LARGE1: variants seen among roughly 807,000 people sequenced by gnomAD.
The protein encoded by LARGE1 is LARGE xylosyl- and glucuronyltransferase 1, also known as xylosyl- and glucuronyltransferase LARGE1.
In LARGE1, 43 loss-of-function variants were observed where a neutral mutation model predicts 87.6. The ratio of observed to expected loss-of-function variants is 0.49; its 90% confidence interval spans 0.38 to 0.63. The LOEUF (loss-of-function observed/expected upper bound fraction) is 0.63, where lower values mean the gene tolerates loss of function less well. Among genes scored for constraint, LARGE1 ranks in the 30% least tolerant of loss-of-function variants. LARGE1 has a pLI of 0.00. For missense variants in LARGE1, 802 were observed against 1,000.2 expected, an observed-to-expected ratio of 0.80 and a Z score of 2.67; for synonymous variants, 434 against 394.6, an observed-to-expected ratio of 1.10 and a Z score of -1.18.
At chr22:33,681,971 A>C (rs2081788007) in intron 2 of LARGE1, among the ~76,000 whole-genome samples, 1 of 152,172 alleles carries the variant, frequency 6.6e-6, no homozygotes, top group Non-Finnish European at 1.5e-5. Flanking sequence ...TAGATGCCTA[A>C]ATGATGCACT....
chr22:33,739,761 T>A (rs1041760821), intron 2 of LARGE1, among the ~76,000 whole-genome samples: 9 of 152,328 alleles, frequency 5.9e-5, no homozygotes, highest in African/African-American at 2.2e-4. Context: ...TTGGGCCTGA[T>A]GAAGATTAAT....
At chr22:33,400,522 C>T (rs778164483) in intron 7 of LARGE1, among the ~76,000 whole-genome samples, 1 of 152,154 alleles carries the variant, frequency 6.6e-6, no homozygotes, top group Admixed American at 6.5e-5. Context: ...AAATTTTTAA[C>T]AAATAATGAA....
chr22:33,186,063 T>A (rs1433488307), intron 11 of LARGE1, among the ~76,000 whole-genome samples: 1 of 152,074 alleles, frequency 6.6e-6, no homozygotes, highest in African/African-American at 2.4e-5. Context: ...TACAAAAAAA[T>A]TCTAGGCATA....
chr22:33,421,465 A>G (rs2066695185), intron 7 of LARGE1, among the ~76,000 whole-genome samples: 1 of 152,192 alleles, frequency 6.6e-6, no homozygotes, highest in Non-Finnish European at 1.5e-5. Flanking sequence ...AATACAAGCA[A>G]TACAGTCTCT....
chr22:33,222,698 G>A (rs138321681), intron 11 of LARGE1, among the ~76,000 whole-genome samples: 2 of 152,298 alleles, frequency 1.3e-5, no homozygotes, highest in African/African-American at 4.8e-5. Flanking sequence ...ACTGGAAGAG[G>A]CAAGGAGTAG....
chr22:33,220,000 A>T (rs1708176627), intron 11 of LARGE1, among the ~76,000 whole-genome samples: 1 of 152,236 alleles, frequency 6.6e-6, no homozygotes, highest in Non-Finnish European at 1.5e-5. Flanking sequence ...ACTTTCTCAT[A>T]AAAGTCCACT....
intron 3 of LARGE1, among the ~76,000 whole-genome samples, chr22:33,645,006 C>T (rs2080562933): frequency 6.6e-6 from 1 of 152,164 alleles, no homozygotes; most frequent in Non-Finnish European, 1.5e-5. Context: ...ATATTCAATG[C>T]TATTCCCATC....
intron 1 of LARGE1, among the ~76,000 whole-genome samples, chr22:33,842,985 C>T (rs1257317156): frequency 1.3e-5 from 2 of 152,130 alleles, no homozygotes; most frequent in Non-Finnish European, 2.9e-5. Context: ...GTTCTCCAAA[C>T]AGGGCATCTG....
the LARGE1 span, among the ~76,000 whole-genome samples, chr22:33,141,013 C>A: frequency 6.6e-6 from 1 of 152,060 alleles, no homozygotes; most frequent in African/African-American, 2.4e-5. Context: ...ATATTTTTAA[C>A]AATTATGGTT....
chr22:33,844,384 G>C (rs748536986), intron 1 of LARGE1, among the ~76,000 whole-genome samples: 2 of 152,184 alleles, frequency 1.3e-5, no homozygotes, highest in South Asian at 4.1e-4. Context: ...TTAGTAAAGA[G>C]CAAGCTGGGA....
At chr22:33,592,307 A>T (rs62227100) in intron 5 of LARGE1, among the ~76,000 whole-genome samples, 12,910 of 151,952 alleles carry the variant, frequency 0.085, 679 homozygotes, top group African/African-American at 0.14. Context: ...AGTTCATTTT[A>T]TTATTATTAT....
At chr22:33,268,970 A>G (rs1241550815), downstream of LARGE1, among the ~76,000 whole-genome samples, 1 of 152,228 alleles carries the variant, frequency 6.6e-6, no homozygotes, top group African/African-American at 2.4e-5. Context: ...TTACATATGC[A>G]TACAGACATA....
At chr22:33,623,850 A>G (rs925737938) in intron 4 of LARGE1, among the ~76,000 whole-genome samples, 1 of 151,826 alleles carries the variant, frequency 6.6e-6, no homozygotes, top group African/African-American at 2.4e-5. Flanking sequence ...GCCAACATGG[A>G]GGAACCCAGT....
At chr22:33,785,256 T>A (rs2085602177) in intron 1 of LARGE1, among the ~76,000 whole-genome samples, 1 of 151,932 alleles carries the variant, frequency 6.6e-6, no homozygotes, top group African/African-American at 2.4e-5. Flanking sequence ...TATATATGCA[T>A]GTGTATATGT....
At chr22:33,517,698 C>T (rs59151129) in intron 6 of LARGE1, among the ~76,000 whole-genome samples, 7,087 of 152,236 alleles carry the variant, frequency 0.047, 194 homozygotes, top group South Asian at 0.079. Flanking sequence ...TGTGCCGGGC[C>T]GCCCAGAGAA....
intron 11 of LARGE1, among the ~76,000 whole-genome samples, chr22:33,258,211 T>C (rs1927423366): frequency 6.6e-6 from 1 of 152,110 alleles, no homozygotes; most frequent in Non-Finnish European, 1.5e-5. Flanking sequence ...TTGTATTTTT[T>C]AGTAGAGATG....
the LARGE1 span, among the ~76,000 whole-genome samples, chr22:33,117,156 C>T: frequency 6.6e-6 from 1 of 152,198 alleles, no homozygotes; most frequent in Admixed American, 6.5e-5. Context: ...AATCATCTAC[C>T]TTCCTAGTTA....
chr22:33,739,041 G>A (rs1020184867), intron 2 of LARGE1, among the ~76,000 whole-genome samples: 1 of 151,312 alleles, frequency 6.6e-6, no homozygotes, highest in Non-Finnish European at 1.5e-5. Context: ...TTTGCAAGCC[G>A]TGTAACCTCA....
At chr22:33,659,015 T>C (rs1230792580) in intron 2 of LARGE1, among the ~76,000 whole-genome samples, 1 of 152,180 alleles carries the variant, frequency 6.6e-6, no homozygotes, top group African/African-American at 2.4e-5. Context: ...CAGACCCACA[T>C]GATTTCCTGG....
Sources: gnomAD v4.1 joint callset for allele counts (sites outside exome capture counted in the v4.1 genomes callset) on GRCh38, gnomAD v4.1.1 for gene constraint, MANE v1.5 for transcripts, NCBI Gene and HGNC (gene_info 2026-07-23, HGNC 2026-07-21) for gene names.